Variants in BMAL1 observed in about 807,000 individuals in gnomAD.
BMAL1 encodes basic helix-loop-helix ARNT like 1, also known as basic helix-loop-helix ARNT-like protein 1.
At chr11:13,385,865 T>C in the BMAL1 span, 3 of 1,124,684 alleles carry the variant, frequency 2.7e-6, no homozygotes, top group Non-Finnish European at 4.0e-6. Context: ...TTTTAAGAAC[T>C]GAACTGTGTG....
At chr11:13,369,563 C>T in the BMAL1 span, 1 of 1,605,638 alleles carries the variant, frequency 6.2e-7, no homozygotes, top group Non-Finnish European at 8.5e-7. Flanking sequence ...CACACTCCCC[C>T]TCCTGACAGA....
At chr11:13,319,784 C>T in the BMAL1 span, among the ~76,000 whole-genome samples, 1 of 152,200 alleles carries the variant, frequency 6.6e-6, no homozygotes, top group South Asian at 2.1e-4. Flanking sequence ...GCCAGGCTGG[C>T]TTGTCTTTCC....
At chr11:13,326,253 T>G in the BMAL1 span, among the ~76,000 whole-genome samples, 1 of 151,288 alleles carries the variant, frequency 6.6e-6, no homozygotes, top group East Asian at 1.9e-4. Context: ...CAGACTGAAC[T>G]ATCAATGGAG....
At chr11:13,312,190 T>G in the BMAL1 span, among the ~76,000 whole-genome samples, 1 of 152,252 alleles carries the variant, frequency 6.6e-6, no homozygotes, top group Non-Finnish European at 1.5e-5. Flanking sequence ...TCATCCCATT[T>G]CATCTTTGCA....
chr11:13,284,110 GTA>G, the BMAL1 span, among the ~76,000 whole-genome samples: 6 of 48,490 alleles, frequency 1.2e-4, no homozygotes, highest in South Asian at 6.5e-4. Context: ...GTGTGTGTGT[GTA>G]TATATATGTG....
chr11:13,326,767 G>C, the BMAL1 span, among the ~76,000 whole-genome samples: 9 of 151,434 alleles, frequency 5.9e-5, no homozygotes, highest in Admixed American at 1.3e-4. Flanking sequence ...ATAATACAGA[G>C]TTGTGATAAA....
chr11:13,376,655 A>G, the BMAL1 span: 1 of 1,614,110 alleles, frequency 6.2e-7, no homozygotes, highest in Non-Finnish European at 8.5e-7. Flanking sequence ...ACGTCCTGGA[A>G]GGCGGGGACC....
chr11:13,318,501 A>G, the BMAL1 span, among the ~76,000 whole-genome samples: 1 of 151,060 alleles, frequency 6.6e-6, no homozygotes, highest in Non-Finnish European at 1.5e-5. Context: ...GCTTTAATTC[A>G]ACAATTTATG....
chr11:13,302,626 GT>G, the BMAL1 span, among the ~76,000 whole-genome samples: 1 of 152,092 alleles, frequency 6.6e-6, no homozygotes, highest in South Asian at 2.1e-4. Flanking sequence ...TTATTACCTT[GT>G]CCCCATGATG....
chr11:13,369,502 T>C, the BMAL1 span: 1 of 1,209,086 alleles, frequency 8.3e-7, no homozygotes. Context: ...ATTTATCTCA[T>C]GTCATCATTA....
chr11:13,288,792 T>C, the BMAL1 span, among the ~76,000 whole-genome samples: 4 of 152,186 alleles, frequency 2.6e-5, no homozygotes, highest in Admixed American at 2.0e-4. Flanking sequence ...TTGTCAATTA[T>C]GTTAATCAGC....
the BMAL1 span, chr11:13,375,832 A>G: frequency 6.9e-7 from 1 of 1,441,160 alleles, no homozygotes; most frequent in Non-Finnish European, 9.2e-7. Flanking sequence ...CATCTGGGAA[A>G]TGGGGTGCAG....
chr11:13,383,238 TC>T, the BMAL1 span, among the ~76,000 whole-genome samples: 1 of 152,106 alleles, frequency 6.6e-6, no homozygotes, highest in Non-Finnish European at 1.5e-5. Context: ...AGTACAGACA[TC>T]CAGAAGCACT....
At chr11:13,317,499 A>T in the BMAL1 span, among the ~76,000 whole-genome samples, 1 of 152,210 alleles carries the variant, frequency 6.6e-6, no homozygotes. Context: ...CCATTATTTC[A>T]ATGGTCACTA....
the BMAL1 span, among the ~76,000 whole-genome samples, chr11:13,347,934 G>C: frequency 6.6e-6 from 1 of 152,214 alleles, no homozygotes; most frequent in South Asian, 2.1e-4. Flanking sequence ...AGCATTTGTT[G>C]AGTACCACCT....
the BMAL1 span, among the ~76,000 whole-genome samples, chr11:13,312,972 A>AC: frequency 6.6e-6 from 1 of 152,240 alleles, no homozygotes; most frequent in East Asian, 1.9e-4. Context: ...AGACAGTGAG[A>AC]CCGGGGTGGA....
At chr11:13,277,322 G>T in the BMAL1 span, among the ~76,000 whole-genome samples, 1 of 152,186 alleles carries the variant, frequency 6.6e-6, no homozygotes, top group Non-Finnish European at 1.5e-5. Flanking sequence ...AGCCGGCAGG[G>T]GACCCAGAGA....
the BMAL1 span, among the ~76,000 whole-genome samples, chr11:13,311,622 C>T: frequency 6.6e-6 from 1 of 152,236 alleles, no homozygotes; most frequent in African/African-American, 2.4e-5. Flanking sequence ...GATTTAGATA[C>T]TTGCTTGTCA....
the BMAL1 span, among the ~76,000 whole-genome samples, chr11:13,288,654 A>G: frequency 1.3e-4 from 20 of 152,006 alleles, no homozygotes; most frequent in African/African-American, 4.8e-4. Context: ...ATTTCTCTCT[A>G]AAGCATCAGT....
Sources: allele counts gnomAD v4.1 joint callset (sites outside exome capture counted in the v4.1 genomes callset), GRCh38; gene constraint gnomAD v4.1.1; transcripts MANE v1.5; gene names NCBI Gene and HGNC (gene_info 2026-07-23, HGNC 2026-07-21).